Variants in SLC24A2 observed in about 807,000 individuals in gnomAD.
The protein encoded by SLC24A2 is sodium/potassium/calcium exchanger 2.
In SLC24A2, 36 loss-of-function variants were observed where a neutral mutation model predicts 62.0. The observed-to-expected ratio is 0.58, with a 90% CI of 0.44 to 0.77. The LOEUF is 0.77. SLC24A2 is among the 30% of genes least tolerant of loss of function. The probability of loss-of-function intolerance (pLI) is 0.00; values close to 1 mark genes in which losing one functional copy is unlikely to be tolerated. For synonymous variants in SLC24A2, 358 were observed against 294.0 expected (o/e 1.22, Z -2.23); for missense variants, 846 against 817.9 (o/e 1.03, Z -0.42).
At chr9:20,120,706 TG>T in the SLC24A2 span, among the ~76,000 whole-genome samples, 1 of 151,834 alleles carries the variant, frequency 6.6e-6, no homozygotes, top group South Asian at 2.1e-4. Flanking sequence ...AAATAAAAGT[TG>T]GGGAAAAAAA....
At chr9:19,913,278 C>CA in the SLC24A2 span, among the ~76,000 whole-genome samples, 1 of 152,094 alleles carries the variant, frequency 6.6e-6, no homozygotes, top group Non-Finnish European at 1.5e-5. Flanking sequence ...AGATACCAGT[C>CA]ATTTTTTTGT....
At chr9:20,250,776 T>A in the SLC24A2 span, among the ~76,000 whole-genome samples, 10 of 152,118 alleles carry the variant, frequency 6.6e-5, 1 homozygote, top group Admixed American at 6.6e-4. Context: ...GTATCCAAAA[T>A]TTCCCAATTA....
chr9:19,874,890 C>A, the SLC24A2 span, among the ~76,000 whole-genome samples: 8 of 151,456 alleles, frequency 5.3e-5, no homozygotes, highest in East Asian at 3.9e-4. Flanking sequence ...ACAATGAAAC[C>A]TCTAAGGCTT....
At chr9:20,166,133 T>C in the SLC24A2 span, among the ~76,000 whole-genome samples, 1 of 151,938 alleles carries the variant, frequency 6.6e-6, no homozygotes, top group South Asian at 2.1e-4. Flanking sequence ...CTATAATCTG[T>C]TGGCAAAGCT....
At chr9:20,079,085 TG>T in the SLC24A2 span, among the ~76,000 whole-genome samples, 1 of 143,622 alleles carries the variant, frequency 7.0e-6, no homozygotes, top group African/African-American at 2.5e-5. Flanking sequence ...ATTATCCAGG[TG>T]GGCCCTAAAT....
chr9:20,233,149 TGTGGTCAATTTTG>T, the SLC24A2 span, among the ~76,000 whole-genome samples: 1 of 152,232 alleles, frequency 6.6e-6, no homozygotes, highest in African/African-American at 2.4e-5. Context: ...CTTCCAACTA[TGTGGTCAATTTTG>T]TAGTAGGTGT....
chr9:20,113,787 A>G, the SLC24A2 span, among the ~76,000 whole-genome samples: 1 of 152,208 alleles, frequency 6.6e-6, no homozygotes, highest in Non-Finnish European at 1.5e-5. Flanking sequence ...ATGGTCTTCT[A>G]TATAAATTTT....
At chr9:19,783,202 G>C (rs1823065097) in intron 2 of SLC24A2, among the ~76,000 whole-genome samples, 1 of 152,062 alleles carries the variant, frequency 6.6e-6, no homozygotes. Context: ...TCACTGCCTA[G>C]AGCCCAGCAG....
At chr9:19,909,748 C>T in the SLC24A2 span, among the ~76,000 whole-genome samples, 55 of 152,142 alleles carry the variant, frequency 3.6e-4, no homozygotes, top group Non-Finnish European at 5.0e-4. Context: ...GCACATGATA[C>T]GAAGACAGAA....
At chr9:20,294,528 G>T in the SLC24A2 span, among the ~76,000 whole-genome samples, 18 of 152,094 alleles carry the variant, frequency 1.2e-4, no homozygotes, top group South Asian at 4.1e-4. Flanking sequence ...CAAAGCCCCA[G>T]TTCTTCAGTT....
chr9:19,644,560 A>T (rs1818589567), intron 2 of SLC24A2, among the ~76,000 whole-genome samples: 2 of 152,224 alleles, frequency 1.3e-5, no homozygotes, highest in African/African-American at 4.8e-5. Context: ...GAACTCAGGC[A>T]GTCTAGATTC....
At chr9:19,751,276 A>G (rs1161702734) in intron 2 of SLC24A2, among the ~76,000 whole-genome samples, 1 of 152,222 alleles carries the variant, frequency 6.6e-6, no homozygotes, top group African/African-American at 2.4e-5. Flanking sequence ...AGGAGGCCAG[A>G]GCTACTATCA....
the SLC24A2 span, among the ~76,000 whole-genome samples, chr9:20,112,173 T>C: frequency 2.0e-5 from 3 of 152,152 alleles, no homozygotes; most frequent in African/African-American, 7.2e-5. Flanking sequence ...ACTGGAAGTT[T>C]GGGACACAGA....
the SLC24A2 span, among the ~76,000 whole-genome samples, chr9:20,239,878 T>A: frequency 3.9e-5 from 2 of 50,722 alleles, no homozygotes; most frequent in Non-Finnish European, 6.9e-5. Context: ...GCCTTCTGGC[T>A]TTTTTTTTTT....
At chr9:20,088,927 C>A in the SLC24A2 span, among the ~76,000 whole-genome samples, 1 of 152,150 alleles carries the variant, frequency 6.6e-6, no homozygotes, top group Non-Finnish European at 1.5e-5. Flanking sequence ...TCCAAGGTGA[C>A]TAGGGACTGG....
chr9:20,070,613 G>C, the SLC24A2 span, among the ~76,000 whole-genome samples: 1 of 152,172 alleles, frequency 6.6e-6, no homozygotes, highest in Non-Finnish European at 1.5e-5. Context: ...TAACAGCAGA[G>C]GCAAAGTCTT....
In SLC24A2 at chr9:19,548,078, A is replaced by G. The variant is rs532563343; in HGVS notation, c.1479+2059T>C. 1.3e-5 allele frequency among the ~76,000 whole-genome samples: 2 copies of G among 151,720 alleles called. 1 individual carries two copies. The highest frequency in any genetic ancestry group is 4.1e-4 in the South Asian group (2 of 4,828). On this transcript the variant is annotated intron_variant, in intron 8 of 10. Coordinates refer to ENST00000341998, the MANE Select transcript of SLC24A2 (RefSeq NM_020344.4). The stretch of plus-strand genomic sequence containing the variant: ...AACCTATACTGCTGGGAGTCCATAC[A>G]AGGAGTCCTTTCTTGTTGTCTACTT...
chr9:19,869,725 C>T, the SLC24A2 span, among the ~76,000 whole-genome samples: 1 of 152,116 alleles, frequency 6.6e-6, no homozygotes, highest in Non-Finnish European at 1.5e-5. Flanking sequence ...TATGACAACT[C>T]TATATGTCAT....
At chr9:20,102,873 G>A in the SLC24A2 span, among the ~76,000 whole-genome samples, 36 of 151,906 alleles carry the variant, frequency 2.4e-4, no homozygotes, top group Middle Eastern at 3.4e-3. Context: ...TGCACCGTGC[G>A]CCAGCAGAAG....
Sources: gnomAD v4.1 joint callset for allele counts (sites outside exome capture counted in the v4.1 genomes callset) on GRCh38, gnomAD v4.1.1 for gene constraint, MANE v1.5 for transcripts, NCBI Gene and HGNC (gene_info 2026-07-23, HGNC 2026-07-21) for gene names.